The following CLIP1 variants were observed in gnomAD, a reference collection of about 807,000 sequenced individuals.
The protein encoded by CLIP1 is CAP-Gly domain containing linker protein 1, also known as CAP-Gly domain-containing linker protein 1.
In CLIP1, 66 loss-of-function variants were observed where a neutral mutation model predicts 161.6. The ratio of observed to expected loss-of-function variants is 0.41; its 90% CI spans 0.33 to 0.50. The LOEUF (loss-of-function observed/expected upper bound fraction) is 0.50, where lower values mean the gene tolerates loss of function less well. Among genes scored for constraint, CLIP1 ranks in the 20% least tolerant of loss-of-function variants. CLIP1 has a pLI of 0.27. For synonymous variants in CLIP1, 598 were observed against 626.2 expected (o/e 0.96, Z 0.67); for missense variants, 1,376 against 1,702.0 (o/e 0.81, Z 3.37).
intron 2 of CLIP1, among the ~76,000 whole-genome samples, chr12:122,380,157 C>G: frequency 6.6e-6 from 1 of 151,324 alleles, no homozygotes; most frequent in East Asian, 1.9e-4. Flanking sequence ...GCAGGAGAAT[C>G]GCTTGAACCC....
In CLIP1 at chr12:122,274,167, T is replaced by G. The variant is rs1187042811; in HGVS notation, c.3967-5A>C. 2 of 1,589,346 alleles carry G rather than the reference T, an allele frequency of 1.3e-6. No homozygotes were observed. Among genetic ancestry groups the G allele is most frequent in the Non-Finnish European group, 1.7e-6 (2 of 1,158,334 alleles). Reference sequence around the variant, plus strand: ...TACTGAATTTAGGAAATCAATCTGATTTGTTAAAAAAAAAATGTGTAAAAT... The same window carrying G: ...TACTGAATTTAGGAAATCAATCTGAGTTGTTAAAAAAAAAATGTGTAAAAT... On this transcript the variant is annotated splice_polypyrimidine_tract_variant and splice_region_variant and intron_variant, in intron 24 of 25. Transcript: ENST00000620786.
intron 10 of CLIP1, chr12:122,342,932 T>G (rs1022702429): frequency 6.6e-6 from 1 of 151,796 alleles, no homozygotes; most frequent in Non-Finnish European, 1.5e-5. Flanking sequence ...TAAAATATAT[T>G]ATTAAAACTA....
intron 24 of CLIP1, chr12:122,276,529 T>G (rs912796244): frequency 6.4e-6 from 8 of 1,255,758 alleles, no homozygotes; most frequent in African/African-American, 1.5e-5. Context: ...TGTTAGTTAT[T>G]AAGCCCAGTA....
At position 122,415,899 on chromosome 12, in the gene CLIP1, A is replaced by G. The variant is rs11058051; in HGVS notation, c.-107+6622T>C. Among the ~76,000 whole-genome samples the G allele has an allele frequency of 6.1e-3, 933 of 152,240 alleles. 6 individuals carry two copies. The highest frequency in any genetic ancestry group is 0.021 in the African/African-American group (873 of 41,548). On this transcript the variant is annotated intron_variant, in intron 1 of 25. Transcript: ENST00000620786. ...TTGTTACAAGGTGCGCAATTCCAGG[A>G]AAAAGCTATATACACCAATATCAAG...
intron 17 of CLIP1, chr12:122,322,473 A>C (rs890547758): frequency 6.6e-6 from 1 of 152,636 alleles, no homozygotes; most frequent in South Asian, 2.1e-4. Context: ...GATTTGGACA[A>C]GGCAGCAAAA....
chr12:122,395,688 A>ACCTAAAT (rs1955885278), intron 1 of CLIP1: 1 of 152,212 alleles, frequency 6.6e-6, no homozygotes, highest in Admixed American at 6.5e-5. Flanking sequence ...AAGCAAGTCC[A>ACCTAAAT]CCTAAATAGC....
chr12:122,330,597 G>GTTTTTTTTT lies in CLIP1; in HGVS notation c.2868-2180_2868-2172dup, dbSNP rs71082966. The stretch of plus-strand genomic sequence containing the variant: ...TTCAGCACTGAAGAAGTATAATGCA[G>GTTTTTTTTT]TTTTTTTTTTTTTTTTTTTTGAGAT... On this transcript the variant is annotated intron_variant, in intron 15 of 25. Coordinates refer to ENST00000620786, the MANE Select transcript of CLIP1 (RefSeq NM_001247997.2). Among the ~76,000 whole-genome samples, 15 of 101,372 alleles carry GTTTTTTTTT rather than the reference G, an allele frequency of 1.5e-4. 1 individual carries two copies. Among genetic ancestry groups the GTTTTTTTTT allele is most frequent in the African/African-American group, 4.0e-4 (9 of 22,780 alleles). 66.5% of individuals were successfully genotyped at this position (101,372 alleles called of 152,430 possible). A position where few individuals can be genotyped will look rare whatever the true frequency, so the allele number is the denominator to read the frequency against.
chr12:122,356,848 C>G (rs567668859), intron 5 of CLIP1, among the ~76,000 whole-genome samples: 2 of 152,192 alleles, frequency 1.3e-5, no homozygotes, highest in African/African-American at 2.4e-5. Context: ...CTGTGTTGGC[C>G]GGGCTGGTCT....
In CLIP1 at chr12:122,278,947, AAC is replaced by A; in HGVS notation, c.3766-7_3766-6del. 4 of 1,606,768 alleles carry A rather than the reference AAC, an allele frequency of 2.5e-6. No individual in the cohort carries two copies. The highest frequency in any genetic ancestry group is 2.2e-5 in the East Asian group (1 of 44,748). ...TTCTCCCCTGAGCACTGTGACCTGA[AAC>A]ACAGTTGTTTAGCTTAGGCTGAGGG... On this transcript the variant is annotated splice_region_variant and splice_polypyrimidine_tract_variant and intron_variant, in intron 22 of 25. Transcript: ENST00000620786.
intron 10 of CLIP1, among the ~76,000 whole-genome samples, chr12:122,346,769 C>T (rs192642725): frequency 4.6e-5 from 7 of 152,316 alleles, no homozygotes; most frequent in Admixed American, 3.9e-4. Context: ...TCCCAAAGTG[C>T]TGGGATAAGA....
rs1951794807 is a variant in CLIP1 at position 122,328,434 on chromosome 12, A to C, written c.2868-8T>G. 10 of 1,551,590 alleles carry C rather than the reference A, an allele frequency of 6.4e-6. No individual in the cohort carries two copies. The highest frequency in any genetic ancestry group is 8.7e-6 in the Non-Finnish European group (10 of 1,150,150). On this transcript the variant is annotated splice_region_variant and splice_polypyrimidine_tract_variant and intron_variant, in intron 15 of 25. Coordinates refer to ENST00000620786, the MANE Select transcript of CLIP1 (RefSeq NM_001247997.2). ...TGTAATTCTTCTACATCTCTAGAAA[A>C]AGTTTCAATATAAGGTGTCAGATTT...
At chr12:122,403,771 T>G (rs1036274486) in intron 1 of CLIP1, among the ~76,000 whole-genome samples, 1 of 152,108 alleles carries the variant, frequency 6.6e-6, no homozygotes, top group Non-Finnish European at 1.5e-5. Flanking sequence ...ACCACCCACC[T>G]TGGCCTCCCA....
chr12:122,331,824 A>G (rs1387010028), intron 15 of CLIP1, among the ~76,000 whole-genome samples: 1 of 151,106 alleles, frequency 6.6e-6, no homozygotes, highest in African/African-American at 2.4e-5. Flanking sequence ...GTGAAAACTC[A>G]TCTTTACTAT....
At chr12:122,318,947 G>A (rs1951376065) in intron 18 of CLIP1, among the ~76,000 whole-genome samples, 1 of 152,188 alleles carries the variant, frequency 6.6e-6, no homozygotes, top group African/African-American at 2.4e-5. Flanking sequence ...GTAAGATCAA[G>A]GATACAAAAG....
At chr12:122,329,870 C>A (rs1353566743) in intron 15 of CLIP1, among the ~76,000 whole-genome samples, 1 of 152,140 alleles carries the variant, frequency 6.6e-6, no homozygotes, top group Non-Finnish European at 1.5e-5. Flanking sequence ...GTAATCCCTG[C>A]ACTTTGGGAG....
rs370670250 is a variant in CLIP1, at chr12:122,271,821, G to A, written c.*1054C>T. The A allele has an allele frequency of 1.3e-5, 2 of 152,394 alleles. No homozygotes were observed. Among genetic ancestry groups the A allele is most frequent in the Admixed American group, 6.6e-5 (1 of 15,242 alleles). 9.4% of individuals were successfully genotyped at this position (152,394 alleles called of 1,614,324 possible). A position where few individuals can be genotyped will look rare whatever the true frequency, so the allele number is the denominator to read the frequency against. On this transcript the variant is annotated 3_prime_UTR_variant, in exon 26 of 26. Transcript: ENST00000620786. ...AATTATTAACGTTGAATTTCTCATC[G>A]TACATTCATCTAAAAACAGTAAAAA...
Position 122,413,557 on chromosome 12 carries a change from G to C in CLIP1, c.-107+8964C>G, listed in dbSNP as rs927155487. On this transcript the variant is annotated intron_variant, in intron 1 of 25. Transcript: ENST00000620786. ...CAAAGGAGCAAACAAACACCAAACTGCTTAATTCAAGTCGGAAGTATTTTA... is the reference window on the plus strand; with the variant it reads ...CAAAGGAGCAAACAAACACCAAACTCCTTAATTCAAGTCGGAAGTATTTTA... Among the ~76,000 whole-genome samples the C allele has an allele frequency of 3.3e-5, 5 of 152,152 alleles. No homozygotes were observed. The East Asian group carries it at 9.6e-4, about 29-fold the overall frequency.
At chr12:122,368,382 T>C (rs1365431524) in intron 3 of CLIP1, among the ~76,000 whole-genome samples, 1 of 152,186 alleles carries the variant, frequency 6.6e-6, no homozygotes, top group Non-Finnish European at 1.5e-5. Context: ...TGTACGCTCC[T>C]GTAAAAAATA....
chr12:122,300,128 G>T (rs1359860882), intron 20 of CLIP1, among the ~76,000 whole-genome samples: 1 of 152,124 alleles, frequency 6.6e-6, no homozygotes, highest in African/African-American at 2.4e-5. Flanking sequence ...AAATTAGCCA[G>T]GCATAGTGGT....
Sources: gnomAD v4.1 joint callset for allele counts (sites outside exome capture counted in the v4.1 genomes callset) on GRCh38, gnomAD v4.1.1 for gene constraint, MANE v1.5 for transcripts, NCBI Gene and HGNC (gene_info 2026-07-23, HGNC 2026-07-21) for gene names.